The following TRDMT1 variants were observed in gnomAD, a reference collection of about 807,000 sequenced individuals.
TRDMT1 encodes the protein tRNA (cytosine(38)-C(5))-methyltransferase.
TRDMT1 carries 49 observed loss-of-function variants against 51.2 expected under a neutral mutation model. The observed-to-expected ratio is 0.96, with a 90% CI of 0.76 to 1.21. The LOEUF is 1.21. TRDMT1 is among the 50% of genes most tolerant of loss of function. The probability of loss-of-function intolerance (pLI) is 0.00; values close to 1 mark genes in which losing one functional copy is unlikely to be tolerated. For synonymous variants in TRDMT1, 187 were observed against 164.6 expected (o/e 1.14, Z -1.04); for missense variants, 534 against 462.3 (o/e 1.16, Z -1.42).
chr10:17,166,379 G>A (rs189828770), intron 3 of TRDMT1, among the ~76,000 whole-genome samples: 1 of 117,778 alleles, frequency 8.5e-6, no homozygotes, highest in East Asian at 3.1e-4. Context: ...GTGGGGTGGG[G>A]GGAGGGAGGA....
At chr10:17,195,220 G>A (rs940784420) in intron 1 of TRDMT1, among the ~76,000 whole-genome samples, 13 of 152,002 alleles carry the variant, frequency 8.6e-5, no homozygotes, top group East Asian at 3.9e-4. Context: ...CATCAATGGC[G>A]GACTGAATTA....
At chr10:17,185,895 G>C (rs1357166188) in intron 1 of TRDMT1, among the ~76,000 whole-genome samples, 1 of 151,992 alleles carries the variant, frequency 6.6e-6, no homozygotes, top group Admixed American at 6.6e-5. Context: ...TCACACACCG[G>C]GGCCTGTTGT....
chr10:17,166,689 T>C (rs1841263212), intron 3 of TRDMT1, among the ~76,000 whole-genome samples: 1 of 152,196 alleles, frequency 6.6e-6, no homozygotes, highest in African/African-American at 2.4e-5. Context: ...TCAGTTCTTA[T>C]TTGTCCTTTC....
chr10:17,153,226 T>A (rs565859688), intron 10 of TRDMT1: 1 of 468,234 alleles, frequency 2.1e-6, no homozygotes, highest in Non-Finnish European at 3.7e-6. Context: ...TGCACAGCCA[T>A]CTGTGGAAAG....
chr10:17,189,199 T>G (rs926479616), intron 1 of TRDMT1, among the ~76,000 whole-genome samples: 3 of 152,226 alleles, frequency 2.0e-5, no homozygotes, highest in African/African-American at 7.2e-5. Context: ...GAAGAATTTA[T>G]GCCAAACATG....
At chr10:17,185,951 T>A (rs1843840556) in intron 1 of TRDMT1, among the ~76,000 whole-genome samples, 1 of 152,026 alleles carries the variant, frequency 6.6e-6, no homozygotes, top group Non-Finnish European at 1.5e-5. Flanking sequence ...ATATACCTAA[T>A]GTAAATAACA....
chr10:17,153,715 C>G, intron 9 of TRDMT1, 79 bp from the exon 10 acceptor site: 1 of 1,420,794 alleles, frequency 7.0e-7, no homozygotes, highest in Non-Finnish European at 9.4e-7. Context: ...ATAGTTGAAA[C>G]TCGATGGACA....
In TRDMT1 at chr10:17,149,058, G is replaced by T; in HGVS notation, c.1158C>A (p.Ile386=). Residue 386 remains isoleucine (I), a synonymous_variant, in exon 11 of 11, where the codon ATC becomes ATA. Coordinates refer to ENST00000377799, the MANE Select transcript of TRDMT1 (RefSeq NM_004412.7). ...TTCAAAATTATTCATATAAGATTTT[G>T]ATTAGTTTAGCTACTACATGCACGT... ...SLNVHVVAKL[I]KILYE 3 of 1,606,960 alleles carry T rather than the reference G, an allele frequency of 1.9e-6. No individual in the cohort carries two copies. The South Asian group carries it at 3.3e-5, about 18-fold the overall frequency.
intron 3 of TRDMT1, among the ~76,000 whole-genome samples, chr10:17,163,958 A>T (rs918589141): frequency 6.6e-6 from 1 of 152,234 alleles, no homozygotes; most frequent in East Asian, 1.9e-4. Flanking sequence ...AGCTGGTACC[A>T]TTCCTTCTGA....
chr10:17,201,235 T>G, intron 1 of TRDMT1: 1 of 220,612 alleles, frequency 4.5e-6, no homozygotes, highest in Admixed American at 6.1e-5. Flanking sequence ...GCTGCACACT[T>G]AGAATGGGGG....
At chr10:17,177,385 A>G (rs1400305598) in intron 1 of TRDMT1, among the ~76,000 whole-genome samples, 1 of 151,886 alleles carries the variant, frequency 6.6e-6, no homozygotes, top group East Asian at 1.9e-4. Flanking sequence ...TATTTTTAGT[A>G]GGGACAGGGT....
rs891779851 is a variant in TRDMT1, at chr10:17,138,055, T to C, written c.*10985A>G. The stretch of plus-strand genomic sequence containing the variant: ...GAATTTATCTGGAGGACTGGATCAA[T>C]GTGGGAGTCATAAAAATGAGGAGAG... On this transcript the variant is annotated 3_prime_UTR_variant, in exon 11 of 11. Transcript: ENST00000377799. Among the ~76,000 whole-genome samples, 1 of 152,162 alleles carries C rather than the reference T, an allele frequency of 6.6e-6. No homozygotes were observed. The highest frequency in any genetic ancestry group is 6.5e-5 in the Admixed American group (1 of 15,284).
intron 1 of TRDMT1, among the ~76,000 whole-genome samples, chr10:17,199,215 T>G (rs984331739): frequency 2.6e-5 from 4 of 152,172 alleles, no homozygotes; most frequent in Non-Finnish European, 4.4e-5. Context: ...GGAAAAATAT[T>G]TGCATCAATA....
intron 10 of TRDMT1, chr10:17,150,384 A>C: frequency 1.0e-6 from 1 of 985,262 alleles, no homozygotes; most frequent in Non-Finnish European, 1.2e-6. Context: ...CAAGTACCCC[A>C]CGGGTGTTTT....
At chr10:17,183,504 A>C (rs781350536) in intron 1 of TRDMT1, among the ~76,000 whole-genome samples, 1 of 151,884 alleles carries the variant, frequency 6.6e-6, no homozygotes, top group Non-Finnish European at 1.5e-5. Context: ...TGCAATCTCC[A>C]CCTCCTGGGT....
At chr10:17,150,273 T>G (rs1838513420) in intron 10 of TRDMT1, 1 of 490,188 alleles carries the variant, frequency 2.0e-6, no homozygotes, top group Non-Finnish European at 2.7e-6. Flanking sequence ...ATTTATCTAT[T>G]CCTTTTGGAG....
At chr10:17,193,511 A>G (rs979476534) in intron 1 of TRDMT1, among the ~76,000 whole-genome samples, 1 of 152,220 alleles carries the variant, frequency 6.6e-6, no homozygotes, top group Non-Finnish European at 1.5e-5. Flanking sequence ...ATACACAAAT[A>G]ATGTTCAAAC....
Position 17,147,466 on chromosome 10 carries a change from TCA to T in TRDMT1, c.*1572_*1573del, listed in dbSNP as rs1363050006. 7.2e-6 allele frequency: 4 copies of T among 559,188 alleles called. No individual in the cohort carries two copies. 34.6% of individuals were successfully genotyped at this position (559,188 alleles called of 1,614,324 possible). A position where few individuals can be genotyped will look rare whatever the true frequency, so the allele number is the denominator to read the frequency against. ...ACAGTTGCAGTGGCATTAAGTACAC[TCA>T]CACTGTTGTGCAACCATCCTCCCCA... On this transcript the variant is annotated 3_prime_UTR_variant, in exon 11 of 11. Transcript: ENST00000377799.
chr10:17,167,812 G>C (rs1391537637), intron 3 of TRDMT1, among the ~76,000 whole-genome samples: 1 of 152,088 alleles, frequency 6.6e-6, no homozygotes, highest in Admixed American at 6.6e-5. Flanking sequence ...AATTCACTTT[G>C]CTTAATCAGT....
Sources: gnomAD v4.1 joint callset for allele counts (sites outside exome capture counted in the v4.1 genomes callset) on GRCh38, gnomAD v4.1.1 for gene constraint, MANE v1.5 for transcripts, NCBI Gene and HGNC (gene_info 2026-07-23, HGNC 2026-07-21) for gene names.